The following PPARGC1A variants were observed in gnomAD, a reference collection of about 807,000 sequenced individuals.
The protein encoded by PPARGC1A is peroxisome proliferator-activated receptor gamma coactivator 1-alpha.
Under a neutral mutation model 88.7 loss-of-function variants are expected in PPARGC1A, and 25 were observed. The observed-to-expected ratio is 0.28, with a 90% CI of 0.21 to 0.39. The LOEUF (loss-of-function observed/expected upper bound fraction) is 0.39. PPARGC1A is among the 10% of genes least tolerant of loss of function. The pLI is 1.00. For missense variants in PPARGC1A, 880 were observed against 968.7 expected (o/e 0.91, Z 1.22); for synonymous variants, 363 against 355.6 (o/e 1.02, Z -0.24).
chr4:24,055,536 G>A, the PPARGC1A span, among the ~76,000 whole-genome samples: 21 of 152,164 alleles, frequency 1.4e-4, no homozygotes, highest in Admixed American at 1.3e-3. Flanking sequence ...CCATTTCATG[G>A]GAGCACAGAT....
the PPARGC1A span, among the ~76,000 whole-genome samples, chr4:24,231,002 G>A: frequency 6.6e-6 from 1 of 150,876 alleles, no homozygotes; most frequent in Non-Finnish European, 1.5e-5. Context: ...TGTTTGATCA[G>A]GAATGGCATC....
the PPARGC1A span, among the ~76,000 whole-genome samples, chr4:24,467,574 T>C: frequency 2.0e-5 from 3 of 151,860 alleles, no homozygotes; most frequent in Admixed American, 2.0e-4. Context: ...GAATTCTTTA[T>C]GGTATTTGGA....
chr4:24,100,087 G>A, the PPARGC1A span, among the ~76,000 whole-genome samples: 3 of 152,016 alleles, frequency 2.0e-5, no homozygotes, highest in Admixed American at 2.0e-4. Flanking sequence ...AAACCTGCAT[G>A]TTGTGCACAT....
At chr4:24,389,949 C>G in the PPARGC1A span, among the ~76,000 whole-genome samples, 1 of 152,088 alleles carries the variant, frequency 6.6e-6, no homozygotes, top group Non-Finnish European at 1.5e-5. Flanking sequence ...TGGGGAAAAA[C>G]TAGTTGAGAG....
At chr4:24,011,308 A>G in the PPARGC1A span, among the ~76,000 whole-genome samples, 3 of 152,254 alleles carry the variant, frequency 2.0e-5, no homozygotes, top group East Asian at 5.8e-4. Flanking sequence ...GCATCCCATC[A>G]TAAGGGCTTG....
the PPARGC1A span, among the ~76,000 whole-genome samples, chr4:23,952,080 A>G: frequency 6.6e-6 from 1 of 152,060 alleles, no homozygotes; most frequent in Non-Finnish European, 1.5e-5. Context: ...TGTACAAACC[A>G]AAGTCTGGAG....
the PPARGC1A span, among the ~76,000 whole-genome samples, chr4:24,387,904 G>GAGAAAGAAAGAA: frequency 2.7e-3 from 69 of 25,232 alleles, 6 homozygotes; most frequent in Middle Eastern, 0.019. Context: ...GAAAAAGAAA[G>GAGAAAGAAAGAA]AGAAAGAAAG....
At position 23,859,804 on chromosome 4, in the gene PPARGC1A, A is replaced by G. The variant is rs866798600; in HGVS notation, c.234+24948T>C. On this transcript the variant is annotated intron_variant, in intron 2 of 12. Coordinates refer to ENST00000264867, the MANE Select transcript of PPARGC1A (RefSeq NM_013261.5). ...TCAAAATAAAATAAAATAAAATAAAATAAAATAAAATAAAATAAAATAAAA... is the reference window on the plus strand; with the variant it reads ...TCAAAATAAAATAAAATAAAATAAAGTAAAATAAAATAAAATAAAATAAAA... 3.7e-3 allele frequency among the ~76,000 whole-genome samples: 202 copies of G among 55,120 alleles called. 1 individual carries two copies. The highest frequency in any genetic ancestry group is 0.022 in the African/African-American group (192 of 8,616). The allele number at this position is 55,120 out of a possible 152,430, so 36.2% of individuals were successfully genotyped here.
the PPARGC1A span, among the ~76,000 whole-genome samples, chr4:24,279,637 CCCCACT>C: frequency 1.3e-5 from 2 of 152,226 alleles, no homozygotes; most frequent in East Asian, 3.9e-4. Flanking sequence ...TCTTCTCACT[CCCCACT>C]CCTGCCACAG....
chr4:24,256,030 TG>T, the PPARGC1A span, among the ~76,000 whole-genome samples: 1 of 152,232 alleles, frequency 6.6e-6, no homozygotes, highest in Non-Finnish European at 1.5e-5. Context: ...ATTACCTCAT[TG>T]GGATCTCACC....
At chr4:23,980,223 G>A in the PPARGC1A span, among the ~76,000 whole-genome samples, 2 of 148,572 alleles carry the variant, frequency 1.3e-5, no homozygotes, top group East Asian at 3.9e-4. Flanking sequence ...AGGATACATG[G>A]CTTGGTCTTT....
At chr4:23,995,876 G>A in the PPARGC1A span, among the ~76,000 whole-genome samples, 2 of 152,226 alleles carry the variant, frequency 1.3e-5, no homozygotes, top group Middle Eastern at 6.8e-3. Flanking sequence ...TTGATTAGCT[G>A]AATAAATCCA....
At chr4:23,820,612 AT>A in intron 7 of PPARGC1A, 1 of 436,838 alleles carries the variant, frequency 2.3e-6, no homozygotes. Context: ...ACTAACAGCT[AT>A]TTTGAAATCA....
chr4:23,933,411 T>C, the PPARGC1A span, among the ~76,000 whole-genome samples: 1 of 152,182 alleles, frequency 6.6e-6, no homozygotes, highest in Non-Finnish European at 1.5e-5. Context: ...GGAGTAAGTG[T>C]TTGCAACTTT....
chr4:24,023,324 G>C, the PPARGC1A span, among the ~76,000 whole-genome samples: 1 of 152,116 alleles, frequency 6.6e-6, no homozygotes, highest in Admixed American at 6.6e-5. Context: ...TTATAAAAAA[G>C]TTTAATATCT....
At chr4:24,397,094 A>T in the PPARGC1A span, among the ~76,000 whole-genome samples, 1 of 152,250 alleles carries the variant, frequency 6.6e-6, no homozygotes, top group South Asian at 2.1e-4. Flanking sequence ...CCAAAATTAC[A>T]CAAAAGATAA....
At chr4:23,835,298 A>G (rs1323967137) in intron 2 of PPARGC1A, among the ~76,000 whole-genome samples, 1 of 152,246 alleles carries the variant, frequency 6.6e-6, no homozygotes, top group Non-Finnish European at 1.5e-5. Context: ...AATTTCTTTA[A>G]TAAGTCTGGG....
chr4:24,358,241 T>C, the PPARGC1A span, among the ~76,000 whole-genome samples: 1 of 152,226 alleles, frequency 6.6e-6, no homozygotes, highest in Non-Finnish European at 1.5e-5. Context: ...AAGCTCTTTT[T>C]GTATAACAAA....
rs757099308 is a variant in PPARGC1A, at chr4:23,813,152, G to GGCA, written c.1794-30_1794-28dup. On this transcript the variant is annotated intron_variant, in intron 8 of 12. Coordinates refer to ENST00000264867, the MANE Select transcript of PPARGC1A (RefSeq NM_013261.5). ...TGCGCCAGAGGAGAAAAGCAAAAAG[G>GGCA]GCATTTGCAACTGCCACTTAACCCA... 9 of 1,605,804 alleles carry GGCA rather than the reference G, an allele frequency of 5.6e-6. No individual in the cohort carries two copies. The South Asian group carries it at 9.9e-5, about 18-fold the overall frequency.
Sources: gnomAD v4.1 joint callset for allele counts (sites outside exome capture counted in the v4.1 genomes callset) on GRCh38, gnomAD v4.1.1 for gene constraint, MANE v1.5 for transcripts, NCBI Gene and HGNC (gene_info 2026-07-23, HGNC 2026-07-21) for gene names.